Variants in VAV2 observed in about 807,000 individuals in gnomAD.
VAV2 encodes guanine nucleotide exchange factor VAV2.
Under a neutral mutation model 132.5 loss-of-function variants are expected in VAV2, and 67 were observed. That is an observed-to-expected ratio of 0.51 (90% CI 0.42 to 0.62). VAV2 has a LOEUF of 0.62. Among genes scored for constraint, VAV2 ranks in the 20% least tolerant of loss-of-function variants. The pLI is 0.00. For synonymous variants in VAV2, 492 were observed against 443.5 expected, an observed-to-expected ratio of 1.11 and a Z score of -1.37; for missense variants, 938 against 1,153.6, an observed-to-expected ratio of 0.81 and a Z score of 2.71.
chr9:133,964,034 T>C (rs1185023123), intron 1 of VAV2, among the ~76,000 whole-genome samples: 6 of 97,816 alleles, frequency 6.1e-5, no homozygotes, highest in East Asian at 3.9e-4. Flanking sequence ...TATATATATA[T>C]ATATATATAT....
At chr9:133,811,685 C>T (rs889000364) in intron 5 of VAV2, among the ~76,000 whole-genome samples, 8 of 152,216 alleles carry the variant, frequency 5.3e-5, no homozygotes, top group African/African-American at 1.9e-4. Context: ...ATATTGGTCT[C>T]ATCATTCTCC....
rs777957270 is a variant in VAV2, at chr9:133,796,534, C to T, written c.937-10G>A. The T allele has an allele frequency of 8.7e-6, 14 of 1,610,990 alleles. No homozygotes were observed. Among genetic ancestry groups the T allele is most frequent in the African/African-American group, 2.7e-5 (2 of 74,888 alleles). ...CCTTCAGTGTGCACTCCTGGGAGGG[C>T]GACAGGGCGATGGGAGAGCCCTCCC... On this transcript the variant is annotated splice_polypyrimidine_tract_variant and intron_variant, in intron 10 of 29. Transcript: ENST00000371850.
intron 2 of VAV2, among the ~76,000 whole-genome samples, chr9:133,877,140 C>T (rs866133851): frequency 6.6e-6 from 1 of 152,180 alleles, no homozygotes; most frequent in African/African-American, 2.4e-5. Flanking sequence ...AACCCCCGCC[C>T]GGCCTGCTAG....
In VAV2 at chr9:133,795,650, C is replaced by T. The variant is rs1490809643; in HGVS notation, c.1101+18G>A. On this transcript the variant is annotated intron_variant, in intron 12 of 29. Transcript: ENST00000371850. ...AGCCAGACGGTGGCTTCTCCCCTGC[C>T]TCAGTTTACCCACACACCTGCATGG... is the stretch of plus-strand genomic sequence containing the variant. 3 of 1,613,746 alleles carry T rather than the reference C, an allele frequency of 1.9e-6. No individual in the cohort carries two copies. Among genetic ancestry groups the T allele is most frequent in the Non-Finnish European group, 8.5e-7 (1 of 1,179,760 alleles).
At chr9:133,899,238 C>T (rs1482011146) in intron 2 of VAV2, among the ~76,000 whole-genome samples, 4 of 151,642 alleles carry the variant, frequency 2.6e-5, no homozygotes, top group African/African-American at 7.3e-5. Flanking sequence ...CAGGAGGAGA[C>T]GACCTGAGGA....
chr9:133,953,721 C>A (rs1841645451), intron 1 of VAV2, among the ~76,000 whole-genome samples: 1 of 152,116 alleles, frequency 6.6e-6, no homozygotes, highest in South Asian at 2.1e-4. Context: ...ACCTTTCCGG[C>A]AGGGAGATGC....
chr9:133,764,977 C>A (rs1046473261), intron 29 of VAV2, among the ~76,000 whole-genome samples: 3 of 152,060 alleles, frequency 2.0e-5, no homozygotes, highest in African/African-American at 7.2e-5. Flanking sequence ...AAAATGAACT[C>A]AAAACTTCAA....
In VAV2 at chr9:133,950,391, G is replaced by A. The variant is rs116210953; in HGVS notation, c.205-11172C>T. ...AGAGGCACCTACTGCATGCTAGGCC[G>A]CCGCCCAGCCGTGCGTGTTCAGAGC... On this transcript the variant is annotated intron_variant, in intron 1 of 29. Transcript: ENST00000371850. Among the ~76,000 whole-genome samples the A allele has an allele frequency of 1.6e-3, 250 of 152,108 alleles. 1 individual carries two copies. The highest frequency in any genetic ancestry group is 5.6e-3 in the African/African-American group (234 of 41,476).
intron 2 of VAV2, among the ~76,000 whole-genome samples, chr9:133,921,150 A>G (rs1293954475): frequency 5.9e-5 from 9 of 152,166 alleles, no homozygotes; most frequent in African/African-American, 2.2e-4. Context: ...GGGGATACAG[A>G]GTCAGCCCAC....
intron 4 of VAV2, among the ~76,000 whole-genome samples, chr9:133,818,937 G>GT (rs1466351092): frequency 6.6e-6 from 1 of 151,998 alleles, no homozygotes; most frequent in African/African-American, 2.4e-5. Flanking sequence ...TGGAGACGGG[G>GT]TTTCACCATA....
intron 2 of VAV2, among the ~76,000 whole-genome samples, chr9:133,882,300 G>A (rs1010465769): frequency 3.9e-5 from 6 of 152,268 alleles, no homozygotes; most frequent in Non-Finnish European, 8.8e-5. Flanking sequence ...TGTCCGCTCA[G>A]CCTTCACAGC....
At chr9:133,876,322 C>T (rs7033941) in intron 2 of VAV2, among the ~76,000 whole-genome samples, 2,922 of 152,368 alleles carry the variant, frequency 0.019, 104 homozygotes, top group African/African-American at 0.067. Flanking sequence ...CCTGCTCCCA[C>T]GCCCAGCACC....
In VAV2 at chr9:133,768,434, C is replaced by G; in HGVS notation, c.2589+8G>C. 1 of 1,611,410 alleles carries G rather than the reference C, an allele frequency of 6.2e-7. No individual in the cohort carries two copies. Among genetic ancestry groups the G allele is most frequent in the African/African-American group, 1.3e-5 (1 of 75,016 alleles). On this transcript the variant is annotated splice_region_variant and intron_variant, in intron 29 of 29. Coordinates refer to ENST00000371850, the MANE Select transcript of VAV2 (RefSeq NM_001134398.2). This position sits in a 1 kb window ranked among gnomAD's most constrained non-coding sequence, Gnocchi z 5.3. ...CCAGCCCCACACCCTCAGGGTGGGGCCACTCACCCGTCCGTTGGTCTCGCC... is the reference window on the plus strand; with the variant it reads ...CCAGCCCCACACCCTCAGGGTGGGGGCACTCACCCGTCCGTTGGTCTCGCC...
chr9:133,982,868 G>A (rs1445051289), intron 1 of VAV2, among the ~76,000 whole-genome samples: 2 of 152,216 alleles, frequency 1.3e-5, no homozygotes, highest in Non-Finnish European at 2.9e-5. Context: ...TTTCATGGGA[G>A]CATTGCCACG....
chr9:133,973,366 G>A (rs1035045949), intron 1 of VAV2, among the ~76,000 whole-genome samples: 1 of 152,188 alleles, frequency 6.6e-6, no homozygotes, highest in Admixed American at 6.5e-5. Flanking sequence ...GGAAAGAACA[G>A]GCTTCTTCTG....
intron 2 of VAV2, among the ~76,000 whole-genome samples, chr9:133,917,635 C>T (rs1180086563): frequency 6.6e-6 from 1 of 152,184 alleles, no homozygotes. Context: ...CCTGTCCTAG[C>T]CTGCCTGAGA....
chr9:133,925,403 A>C (rs1271878804), intron 2 of VAV2, among the ~76,000 whole-genome samples: 1 of 152,202 alleles, frequency 6.6e-6, no homozygotes, highest in East Asian at 1.9e-4. Context: ...TTTTTAGTAC[A>C]GACGGGGTTT....
In VAV2 at chr9:133,776,078, C is replaced by T. The variant is rs150295787; in HGVS notation, c.1968G>A (p.Pro656=). 12 of 1,612,710 alleles carry T rather than the reference C, an allele frequency of 7.4e-6. No individual in the cohort carries two copies. The highest frequency in any genetic ancestry group is 2.7e-5 in the African/African-American group (2 of 74,926). ...CCCGGGATGGCGGCCGGCTGATGGG[C>T]GGCTGGTGGCAGAGCACAAGAGTGT... The part of the protein sequence containing the change: ...SVKPCPVDGR[P]PISRPPSREI... The change falls in exon 24 of 30, where the codon CCG becomes CCA. Residue 656 remains proline (P), a splice_region_variant and synonymous_variant. Coordinates refer to ENST00000371850, the MANE Select transcript of VAV2 (RefSeq NM_001134398.2).
In VAV2 at chr9:133,780,088, C is replaced by G. The variant is rs1377561401; in HGVS notation, c.1741-149G>C. The G allele has an allele frequency of 9.5e-5, 98 of 1,032,296 alleles. No individual in the cohort carries two copies. The East Asian group carries it at 2.4e-3, about 25-fold the overall frequency. The allele number at this position is 1,032,296 out of a possible 1,614,324, so 63.9% of individuals were successfully genotyped here. ...CAGGGGAGGAGAGGGACACTGTTCC[C>G]TATGGGACGCCCCCACCCTGGCAAT... On this transcript the variant is annotated intron_variant, in intron 20 of 29. Transcript: ENST00000371850.
Sources: allele counts gnomAD v4.1 joint callset (sites outside exome capture counted in the v4.1 genomes callset), GRCh38; gene constraint gnomAD v4.1.1; non-coding constraint Gnocchi (gnomAD v3.1); transcripts MANE v1.5; gene names NCBI Gene and HGNC (gene_info 2026-07-23, HGNC 2026-07-21).